LHFPL3: variants seen among roughly 807,000 people sequenced by gnomAD.
LHFPL3 encodes LHFPL tetraspan subfamily member 3, also known as LHFPL tetraspan subfamily member 3 protein.
A neutral mutation model predicts 19.3 loss-of-function variants in LHFPL3; 5 were observed. The ratio of observed to expected loss-of-function variants is 0.26; its 90% CI spans 0.14 to 0.54. LHFPL3 has a LOEUF of 0.54. Ranked by LOEUF, LHFPL3 falls within the 20% of genes least tolerant of loss-of-function variation. LHFPL3 has a pLI of 0.94. For missense variants in LHFPL3, 249 were observed against 307.4 expected (o/e 0.81, Z 1.42); for synonymous variants, 133 against 126.2 (o/e 1.05, Z -0.36).
At chr7:104,462,251 T>C (rs1366103299) in intron 1 of LHFPL3, among the ~76,000 whole-genome samples, 2 of 152,240 alleles carry the variant, frequency 1.3e-5, no homozygotes, top group African/African-American at 4.8e-5. Flanking sequence ...CTTGCCTGAT[T>C]GCTCTGGCCA....
chr7:104,700,347 C>T (rs1022818896), intron 1 of LHFPL3, among the ~76,000 whole-genome samples: 4 of 152,196 alleles, frequency 2.6e-5, no homozygotes, highest in Admixed American at 2.6e-4. Flanking sequence ...AGGTCAAGAG[C>T]CAGATTAGTG....
chr7:104,331,997 T>C (rs1017067066), intron 1 of LHFPL3, among the ~76,000 whole-genome samples: 1 of 151,970 alleles, frequency 6.6e-6, no homozygotes, highest in Non-Finnish European at 1.5e-5. Flanking sequence ...TATTCCTCTT[T>C]AATGTTAAGT....
intron 1 of LHFPL3, among the ~76,000 whole-genome samples, chr7:104,503,425 T>G (rs565049433): frequency 6.6e-6 from 1 of 152,322 alleles, no homozygotes; most frequent in Non-Finnish European, 1.5e-5. Flanking sequence ...TTTTCTAGAT[T>G]TTCTACAATG....
At chr7:104,817,373 T>G (rs1365046259) in intron 2 of LHFPL3, among the ~76,000 whole-genome samples, 1 of 152,126 alleles carries the variant, frequency 6.6e-6, no homozygotes, top group Non-Finnish European at 1.5e-5. Context: ...ATTCAGCTTC[T>G]CAAACTGCTG....
At chr7:104,555,115 C>A (rs1173579051) in intron 1 of LHFPL3, among the ~76,000 whole-genome samples, 1 of 152,184 alleles carries the variant, frequency 6.6e-6, no homozygotes, top group Non-Finnish European at 1.5e-5. Context: ...TCTAGAAACA[C>A]CCTCACAGAC....
At chr7:104,841,429 G>T (rs1173235586) in intron 2 of LHFPL3, among the ~76,000 whole-genome samples, 1 of 17,434 alleles carries the variant, frequency 5.7e-5, no homozygotes, top group Non-Finnish European at 1.2e-4. Flanking sequence ...TGTGTCTGTG[G>T]AAAATTGAAT....
intron 1 of LHFPL3, among the ~76,000 whole-genome samples, chr7:104,699,280 G>A (rs1793056917): frequency 6.6e-6 from 1 of 152,188 alleles, no homozygotes; most frequent in Non-Finnish European, 1.5e-5. Context: ...ATTAACTGAA[G>A]CATCCATCAA....
At chr7:104,365,547 C>T (rs1392806139) in intron 1 of LHFPL3, among the ~76,000 whole-genome samples, 4 of 149,482 alleles carry the variant, frequency 2.7e-5, no homozygotes, top group East Asian at 2.0e-4. Flanking sequence ...TTTGGGAGGC[C>T]GAGGCGGGTG....
chr7:104,425,371 TTTC>T (rs60511118), intron 1 of LHFPL3, among the ~76,000 whole-genome samples: 55,431 of 151,812 alleles, frequency 0.37, 12,052 homozygotes, highest in African/African-American at 0.59. Context: ...CTGAGTCTGT[TTTC>T]TTATCTGCAA....
intron 1 of LHFPL3, among the ~76,000 whole-genome samples, chr7:104,475,658 T>C (rs1467008741): frequency 6.6e-6 from 1 of 152,216 alleles, no homozygotes; most frequent in Non-Finnish European, 1.5e-5. Context: ...GAAACATTCA[T>C]GCTTATAATT....
rs56697785 is a variant in LHFPL3 at position 104,726,055 on chromosome 7, C to CAA, written c.446-10600_446-10599dup. 1.1e-4 allele frequency among the ~76,000 whole-genome samples: 8 copies of CAA among 75,068 alleles called. 1 individual carries two copies. The highest frequency in any genetic ancestry group is 6.4e-4 in the South Asian group (1 of 1,566). The allele number at this position is 75,068 out of a possible 152,430, so 49.2% of individuals were successfully genotyped here. On this transcript the variant is annotated intron_variant, in intron 1 of 2. Transcript: ENST00000424859. ...TGACAGAGTGAGACTCCATCTCAGGCAAAAAAAAAAAAAAAAAAAAATTCT... is the reference window on the plus strand; with the variant it reads ...TGACAGAGTGAGACTCCATCTCAGGCAAAAAAAAAAAAAAAAAAAAAAATTCT...
chr7:104,584,287 G>C (rs1270259920), intron 1 of LHFPL3, among the ~76,000 whole-genome samples: 1 of 151,474 alleles, frequency 6.6e-6, no homozygotes, highest in African/African-American at 2.4e-5. Flanking sequence ...GAAGGGGAAC[G>C]TCACACACTA....
intron 1 of LHFPL3, among the ~76,000 whole-genome samples, chr7:104,724,412 T>G (rs1265791241): frequency 6.6e-6 from 1 of 152,168 alleles, no homozygotes; most frequent in African/African-American, 2.4e-5. Flanking sequence ...AAATAAAACT[T>G]CTGTTATGCA....
intron 1 of LHFPL3, among the ~76,000 whole-genome samples, chr7:104,343,725 T>TTG (rs1164535540): frequency 1.9e-5 from 2 of 104,914 alleles, no homozygotes; most frequent in Admixed American, 1.1e-4. Context: ...TGTGTATGGC[T>TTG]TGCGTGTGTG....
chr7:104,636,257 A>G (rs1295193844), intron 1 of LHFPL3, among the ~76,000 whole-genome samples: 2 of 152,318 alleles, frequency 1.3e-5, no homozygotes, highest in East Asian at 3.9e-4. Flanking sequence ...GTAGAAGTAT[A>G]CGTATATTAT....
At chr7:104,792,220 T>C (rs538947577) in intron 2 of LHFPL3, among the ~76,000 whole-genome samples, 52 of 152,238 alleles carry the variant, frequency 3.4e-4, no homozygotes, top group Non-Finnish European at 4.6e-4. Flanking sequence ...GAAGCCGTCT[T>C]GGGAGGGAAA....
chr7:104,667,283 T>C (rs1024194903), intron 1 of LHFPL3, among the ~76,000 whole-genome samples: 7 of 152,094 alleles, frequency 4.6e-5, no homozygotes, highest in Non-Finnish European at 8.8e-5. Flanking sequence ...GAATCTTTAA[T>C]TGGCTTACAT....
intron 2 of LHFPL3, among the ~76,000 whole-genome samples, chr7:104,812,541 T>A (rs141707684): frequency 2.7e-3 from 408 of 152,138 alleles, no homozygotes; most frequent in African/African-American, 9.4e-3. Context: ...GGCTCATGCC[T>A]GTAATCCCAG....
At chr7:104,819,819 A>C (rs1421246446) in intron 2 of LHFPL3, among the ~76,000 whole-genome samples, 1 of 152,210 alleles carries the variant, frequency 6.6e-6, no homozygotes, top group Non-Finnish European at 1.5e-5. Flanking sequence ...TTTTGAAGGC[A>C]CATGGACAAT....
Sources: gnomAD v4.1 joint callset for allele counts (sites outside exome capture counted in the v4.1 genomes callset) on GRCh38, gnomAD v4.1.1 for gene constraint, MANE v1.5 for transcripts, NCBI Gene and HGNC (gene_info 2026-07-23, HGNC 2026-07-21) for gene names.